The following LTBP1 variants were observed in gnomAD, a reference collection of about 807,000 sequenced individuals.
The protein encoded by LTBP1 is latent-transforming growth factor beta-binding protein 1.
In LTBP1, 129 loss-of-function variants were observed where a neutral mutation model predicts 207.6. The observed-to-expected ratio is 0.62, with a 90% CI of 0.54 to 0.72. The LOEUF is 0.72. Ranked by LOEUF, LTBP1 falls within the 30% of genes least tolerant of loss-of-function variation. The probability of loss-of-function intolerance (pLI) is 0.00; values close to 1 mark genes in which losing one functional copy is unlikely to be tolerated. For synonymous variants in LTBP1, 963 were observed against 833.7 expected (o/e 1.16, Z -2.67); for missense variants, 2,281 against 2,217.2 (o/e 1.03, Z -0.58).
chr2:33,212,883 A>G (rs1465229684), intron 7 of LTBP1, among the ~76,000 whole-genome samples: 1 of 152,204 alleles, frequency 6.6e-6, no homozygotes, highest in Non-Finnish European at 1.5e-5. Flanking sequence ...CAAATATTCT[A>G]AAATCTGAAA....
intron 24 of LTBP1, among the ~76,000 whole-genome samples, chr2:33,321,607 G>A (rs1321275257): frequency 6.6e-6 from 1 of 152,172 alleles, no homozygotes; most frequent in Non-Finnish European, 1.5e-5. Flanking sequence ...TGGTTTTGTG[G>A]CATGGATATA....
At chr2:33,318,843 A>T (rs2094311523) in intron 24 of LTBP1, among the ~76,000 whole-genome samples, 2 of 152,112 alleles carry the variant, frequency 1.3e-5, no homozygotes, top group South Asian at 4.1e-4. Context: ...TTGCCTTTTT[A>T]TTTCTGCCCT....
intron 5 of LTBP1, among the ~76,000 whole-genome samples, chr2:33,164,397 C>T (rs1046150251): frequency 6.1e-5 from 9 of 146,892 alleles, no homozygotes; most frequent in Non-Finnish European, 1.0e-4. Context: ...GAATAATGGC[C>T]CAACTATGAA....
intron 3 of LTBP1, among the ~76,000 whole-genome samples, chr2:33,078,189 G>C (rs186409016): frequency 1.3e-5 from 2 of 152,290 alleles, no homozygotes; most frequent in East Asian, 3.9e-4. Flanking sequence ...GCATGAACTT[G>C]GTGTTAATCA....
At position 33,020,959 on chromosome 2, in the gene LTBP1, C is replaced by T. The variant is rs1391204483; in HGVS notation, c.616C>T (p.Leu206Phe). ...TGGAGGGATGTGTCTCCGGCCACAA[C>T]TCTGTGTGTGTAAACCAGGGACCAA... ...QNGGMCLRPQ[L>F]CVCKPGTKGK... The change falls in exon 3 of 34, where the codon CTC becomes TTC. Residue 206 changes from leucine (L) to phenylalanine (F), a missense_variant. Physicochemically the swap from Leu to Phe is conservative, Grantham distance 22 (BLOSUM62 0). Transcript: ENST00000404816. 6.2e-7 allele frequency: 1 copy of T among 1,608,708 alleles called. No individual in the cohort carries two copies.
chr2:33,315,519 T>C (rs1210955207), intron 24 of LTBP1, among the ~76,000 whole-genome samples: 1 of 151,918 alleles, frequency 6.6e-6, no homozygotes, highest in Admixed American at 6.6e-5. Flanking sequence ...AATTAATGAG[T>C]GGAAATGTGC....
chr2:33,340,565 G>A (rs560893718), intron 24 of LTBP1, among the ~76,000 whole-genome samples: 5 of 152,288 alleles, frequency 3.3e-5, no homozygotes, highest in South Asian at 2.1e-4. Context: ...GTGACTGACC[G>A]GAAGATGATC....
chr2:33,299,964 T>C (rs563310502), intron 20 of LTBP1, among the ~76,000 whole-genome samples: 1 of 152,366 alleles, frequency 6.6e-6, no homozygotes, highest in East Asian at 1.9e-4. Context: ...GCCAGAGTTC[T>C]TTATACAACT....
intron 2 of LTBP1, among the ~76,000 whole-genome samples, chr2:32,977,425 G>C (rs958507777): frequency 2.0e-5 from 3 of 152,328 alleles, no homozygotes; most frequent in Middle Eastern, 3.4e-3. Context: ...AGTTGGCACT[G>C]AGCCTTGTCT....
At chr2:32,969,143 C>T (rs1680448473) in intron 2 of LTBP1, among the ~76,000 whole-genome samples, 1 of 151,330 alleles carries the variant, frequency 6.6e-6, no homozygotes, top group African/African-American at 2.4e-5. Flanking sequence ...CCAGGCTGGT[C>T]TGGAACTCCT....
In LTBP1 at chr2:33,022,751, G is replaced by C. The variant is rs941693650; in HGVS notation, c.863+1545G>C. Reference sequence around the variant, plus strand: ...CTTTGTGGGACATACGGTTTCTGTTGCATCTACTCAGTTCTGCCATGGTAG... The same window carrying C: ...CTTTGTGGGACATACGGTTTCTGTTCCATCTACTCAGTTCTGCCATGGTAG... On this transcript the variant is annotated intron_variant, in intron 3 of 33. Transcript: ENST00000404816. Among the ~76,000 whole-genome samples, 3 of 152,176 alleles carry C rather than the reference G, an allele frequency of 2.0e-5. No individual in the cohort carries two copies. The South Asian group carries it at 6.2e-4, about 32-fold the overall frequency.
intron 2 of LTBP1, among the ~76,000 whole-genome samples, chr2:32,982,100 C>G (rs1248586976): frequency 6.6e-6 from 1 of 152,118 alleles, no homozygotes; most frequent in Non-Finnish European, 1.5e-5. Flanking sequence ...TTGGAACTTC[C>G]TAGAGACTTG....
chr2:33,134,898 C>A lies in LTBP1; in HGVS notation c.1139C>A (p.Thr380Asn), dbSNP rs1248273270. ...CQNSCEKGNTTTLISENGHAA... is the reference protein window; with the variant it reads ...CQNSCEKGNTNTLISENGHAA... ...AACAGCTGTGAGAAGGGGAACACCA[C>A]CACTCTCATTAGTGAGAATGGTCAT... is the stretch of plus-strand genomic sequence containing the variant. Residue 380 changes from threonine to asparagine, a missense_variant, in exon 5 of 34, where the codon ACC becomes AAC. This residue lies in a region of LTBP1 where 55 missense variants were observed against 91.5 expected (regional missense o/e 0.60). Transcript: ENST00000404816. The surrounding 1 kb of genome is among the most constrained non-coding windows in gnomAD (Gnocchi z 4.4). The A allele has an allele frequency of 4.3e-6, 7 of 1,613,958 alleles. No homozygotes were observed. The highest frequency in any genetic ancestry group is 5.9e-6 in the Non-Finnish European group (7 of 1,180,012).
At chr2:33,257,811 A>C (rs1207933953) in intron 12 of LTBP1, among the ~76,000 whole-genome samples, 1 of 152,236 alleles carries the variant, frequency 6.6e-6, no homozygotes, top group East Asian at 1.9e-4. Context: ...TCCTTCAGGG[A>C]ATAGCCCTAA....
At chr2:33,083,828 G>T (rs888213675) in intron 3 of LTBP1, among the ~76,000 whole-genome samples, 1 of 152,164 alleles carries the variant, frequency 6.6e-6, no homozygotes, top group Non-Finnish European at 1.5e-5. Context: ...AGTTACAGAA[G>T]GTTATTCACG....
At chr2:33,056,541 G>A (rs531469350) in intron 3 of LTBP1, 18 of 546,044 alleles carry the variant, frequency 3.3e-5, no homozygotes, top group Admixed American at 7.0e-5. Flanking sequence ...CAGATTTGGC[G>A]GGTTCTTGGT....
chr2:33,233,666 C>T (rs1425499103), intron 9 of LTBP1, among the ~76,000 whole-genome samples: 2 of 152,004 alleles, frequency 1.3e-5, no homozygotes, highest in Admixed American at 6.6e-5. Flanking sequence ...AGTTTGGGGC[C>T]GTTGGTCTAG....
At chr2:33,337,157 C>T (rs1417376307) in intron 24 of LTBP1, among the ~76,000 whole-genome samples, 2 of 152,166 alleles carry the variant, frequency 1.3e-5, no homozygotes, top group Non-Finnish European at 2.9e-5. Flanking sequence ...TGGCCTTACA[C>T]CTTTATTTGA....
At chr2:33,346,899 G>A (rs945367250) in intron 25 of LTBP1, among the ~76,000 whole-genome samples, 4 of 151,946 alleles carry the variant, frequency 2.6e-5, no homozygotes, top group East Asian at 1.9e-4. Context: ...GGCGGATCAC[G>A]AGGTCAGGAG....
Sources: gnomAD v4.1 joint callset for allele counts (sites outside exome capture counted in the v4.1 genomes callset) on GRCh38, gnomAD v4.1.1 for gene constraint, gnomAD v4.1.1 regional missense constraint, Gnocchi (gnomAD v3.1) non-coding constraint, MANE v1.5 for transcripts, NCBI Gene and HGNC (gene_info 2026-07-23, HGNC 2026-07-21) for gene names.